The following GNAQ variants were observed in gnomAD, a reference collection of about 807,000 sequenced individuals.
The protein encoded by GNAQ is G protein subunit alpha q.
Under a neutral mutation model 43.9 loss-of-function variants are expected in GNAQ, and 8 were observed. The ratio of observed to expected loss-of-function variants is 0.18; its 90% confidence interval spans 0.11 to 0.33. The LOEUF (loss-of-function observed/expected upper bound fraction) is 0.33, where lower values mean the gene tolerates loss of function less well. Among genes scored for constraint, GNAQ ranks in the 10% least tolerant of loss-of-function variants. The probability of loss-of-function intolerance (pLI) is 1.00; values close to 1 mark genes in which losing one functional copy is unlikely to be tolerated. For missense variants in GNAQ, 158 were observed against 450.8 expected (o/e 0.35, Z 5.88); for synonymous variants, 155 against 170.7 (o/e 0.91, Z 0.71).
At chr9:77,740,507 T>C (rs4744848) in intron 5 of GNAQ, among the ~76,000 whole-genome samples, 97,370 of 152,064 alleles carry the variant, frequency 0.64, 31,997 homozygotes, top group Non-Finnish European at 0.72. Flanking sequence ...GATCAAATGA[T>C]AAGAAAGCAG....
intron 2 of GNAQ, among the ~76,000 whole-genome samples, chr9:77,832,133 T>C (rs929356559): frequency 6.6e-6 from 1 of 151,602 alleles, no homozygotes; most frequent in African/African-American, 2.4e-5. Flanking sequence ...ATGTTCTCCA[T>C]ACTGTACCCA....
intron 2 of GNAQ, among the ~76,000 whole-genome samples, chr9:77,898,946 T>C (rs556217800): frequency 1.3e-5 from 2 of 152,342 alleles, no homozygotes; most frequent in South Asian, 2.1e-4. Flanking sequence ...TCAGGACATA[T>C]AGTTCTACTT....
rs139320566 is a variant in GNAQ at position 77,717,232 on chromosome 9, G to A, written c.*4091C>T. Reference sequence around the variant, plus strand: ...TATATCTTTGGAAGAAAATATTAATGTATACCAAGCACACCTTATTTGTAT... The same window carrying A: ...TATATCTTTGGAAGAAAATATTAATATATACCAAGCACACCTTATTTGTAT... On this transcript the variant is annotated 3_prime_UTR_variant, in exon 7 of 7. Transcript: ENST00000286548. The A allele has an allele frequency of 4.3e-6, 1 of 232,310 alleles. No individual in the cohort carries two copies. Among genetic ancestry groups the A allele is most frequent in the African/African-American group, 2.2e-5 (1 of 45,414 alleles). The allele number at this position is 232,310 out of a possible 1,614,324, so 14.4% of individuals were successfully genotyped here.
At chr9:77,988,228 C>A (rs1823466644) in intron 1 of GNAQ, among the ~76,000 whole-genome samples, 1 of 152,218 alleles carries the variant, frequency 6.6e-6, no homozygotes, top group African/African-American at 2.4e-5. Flanking sequence ...ATTTTAGCTT[C>A]AGCTCAGAGA....
chr9:77,844,611 C>T (rs1827549563), intron 2 of GNAQ, among the ~76,000 whole-genome samples: 1 of 152,146 alleles, frequency 6.6e-6, no homozygotes, highest in African/African-American at 2.4e-5. Context: ...ATACTACCTG[C>T]TGTGTGTCCT....
chr9:77,867,983 A>G (rs976328090), intron 2 of GNAQ, among the ~76,000 whole-genome samples: 1 of 152,258 alleles, frequency 6.6e-6, no homozygotes, highest in Admixed American at 6.5e-5. Flanking sequence ...AAAATTTACC[A>G]TATCAGCCCT....
In GNAQ at chr9:77,877,625, T is replaced by C. The variant is rs369958606; in HGVS notation, c.321+44536A>G. 4.6e-5 allele frequency among the ~76,000 whole-genome samples: 7 copies of C among 152,310 alleles called. No homozygotes were observed. In the East Asian group the frequency reaches 1.2e-3, roughly 25 times the overall value. Reference sequence around the variant, plus strand: ...AAACAATTACCGTAACCTACTTTAATTACTGACTTTCACGTACAAGTATAT... The same window carrying C: ...AAACAATTACCGTAACCTACTTTAACTACTGACTTTCACGTACAAGTATAT... On this transcript the variant is annotated intron_variant, in intron 2 of 6. Coordinates refer to ENST00000286548, the MANE Select transcript of GNAQ (RefSeq NM_002072.5).
chr9:77,777,417 T>A (rs1041326537), intron 5 of GNAQ, among the ~76,000 whole-genome samples: 2 of 152,076 alleles, frequency 1.3e-5, no homozygotes, highest in Non-Finnish European at 2.9e-5. Context: ...TAGGTGTAAA[T>A]CTTTGTCACC....
chr9:77,868,095 C>G (rs1209034769), intron 2 of GNAQ, among the ~76,000 whole-genome samples: 1 of 152,182 alleles, frequency 6.6e-6, no homozygotes, highest in African/African-American at 2.4e-5. Context: ...TCAGCATATA[C>G]TGGAATATAC....
At chr9:77,780,166 T>C (rs1303654721) in intron 5 of GNAQ, among the ~76,000 whole-genome samples, 1 of 151,940 alleles carries the variant, frequency 6.6e-6, no homozygotes, top group Non-Finnish European at 1.5e-5. Flanking sequence ...TTTCAAAATA[T>C]ATAACATTTT....
intron 1 of GNAQ, among the ~76,000 whole-genome samples, chr9:77,972,488 A>G (rs1050268087): frequency 6.6e-6 from 1 of 152,220 alleles, no homozygotes; most frequent in Non-Finnish European, 1.5e-5. Context: ...AATGGGCTTC[A>G]TAAGCCCACT....
intron 5 of GNAQ, among the ~76,000 whole-genome samples, chr9:77,745,360 C>T (rs933363599): frequency 3.3e-5 from 5 of 151,970 alleles, no homozygotes; most frequent in African/African-American, 1.2e-4. Flanking sequence ...AAATCTCCAG[C>T]AGAAAATACT....
At chr9:78,017,977 A>G (rs889170793) in intron 1 of GNAQ, among the ~76,000 whole-genome samples, 3 of 152,166 alleles carry the variant, frequency 2.0e-5, no homozygotes, top group Admixed American at 6.5e-5. Context: ...TGGAAACTGT[A>G]TACAATCGTT....
chr9:77,983,277 T>A (rs181441308), intron 1 of GNAQ, among the ~76,000 whole-genome samples: 101 of 152,340 alleles, frequency 6.6e-4, no homozygotes, highest in Middle Eastern at 3.4e-3. Context: ...CATGCTTTCA[T>A]AGAAAGCAAC....
chr9:77,830,121 TTC>T (rs1358123975), intron 2 of GNAQ, among the ~76,000 whole-genome samples: 1 of 152,066 alleles, frequency 6.6e-6, no homozygotes, highest in African/African-American at 2.4e-5. Context: ...GCTGACTAAT[TTC>T]TGAATTTTTT....
chr9:78,000,511 A>C (rs1037660030), intron 1 of GNAQ, among the ~76,000 whole-genome samples: 1 of 152,224 alleles, frequency 6.6e-6, no homozygotes, highest in African/African-American at 2.4e-5. Flanking sequence ...TGTAATAAAG[A>C]AAGCTTGTCT....
intron 2 of GNAQ, among the ~76,000 whole-genome samples, chr9:77,884,892 T>C (rs1054630220): frequency 1.3e-5 from 2 of 152,186 alleles, no homozygotes; most frequent in African/African-American, 4.8e-5. Context: ...GAGGGAGATT[T>C]TGAAAAGAAA....
At chr9:77,910,318 T>C (rs540164910) in intron 2 of GNAQ, among the ~76,000 whole-genome samples, 3 of 152,302 alleles carry the variant, frequency 2.0e-5, no homozygotes, top group East Asian at 1.9e-4. Context: ...CCAACAAATA[T>C]ATTCTGCCTA....
chr9:77,899,648 G>A (rs899622584), intron 2 of GNAQ, among the ~76,000 whole-genome samples: 1 of 152,078 alleles, frequency 6.6e-6, no homozygotes, highest in Non-Finnish European at 1.5e-5. Flanking sequence ...AGAATGAAGA[G>A]GTGGGTGGCA....
Sources: gnomAD v4.1 joint callset for allele counts (sites outside exome capture counted in the v4.1 genomes callset) on GRCh38, gnomAD v4.1.1 for gene constraint, MANE v1.5 for transcripts, NCBI Gene and HGNC (gene_info 2026-07-23, HGNC 2026-07-21) for gene names.